The following NLGN4X variants were observed in gnomAD, a reference collection of about 807,000 sequenced individuals.
NLGN4X encodes the protein neuroligin-4, X-linked.
NLGN4X carries 3 observed loss-of-function variants against 40.3 expected under a neutral mutation model. That is an observed-to-expected ratio of 0.07 (90% confidence interval 0.03 to 0.19). The LOEUF is 0.19. Ranked by LOEUF, NLGN4X falls within the 10% of genes least tolerant of loss-of-function variation. The probability of loss-of-function intolerance (pLI) is 1.00; values close to 1 mark genes in which losing one functional copy is unlikely to be tolerated. For synonymous variants in NLGN4X, 270 were observed against 306.8 expected, an observed-to-expected ratio of 0.88 and a Z score of 1.25; for missense variants, 382 against 708.3, an observed-to-expected ratio of 0.54 and a Z score of 5.23.
At chrX:5,906,634 C>T (rs940053208) in intron 4 of NLGN4X, among the ~76,000 whole-genome samples, 3 of 111,343 alleles carry the variant, frequency 2.7e-5, no homozygotes, top group African/African-American at 9.8e-5. Context: ...CCTCAGCCCC[C>T]CAAGTAACTG....
chrX:5,911,069 G>A (rs755548857), intron 3 of NLGN4X, among the ~76,000 whole-genome samples: 2 of 111,587 alleles, frequency 1.8e-5, no homozygotes, highest in African/African-American at 6.5e-5. Flanking sequence ...GCTTTGCTTG[G>A]GAGAAAAGAT....
chrX:6,014,776 T>C (rs1379290781), intron 3 of NLGN4X, among the ~76,000 whole-genome samples: 1 of 111,626 alleles, frequency 9.0e-6, no homozygotes, highest in African/African-American at 3.3e-5. Flanking sequence ...TAGACAGCCA[T>C]TTCCTTTCTC....
At chrX:5,989,671 A>T (rs72627602) in intron 3 of NLGN4X, among the ~76,000 whole-genome samples, 18,737 of 111,054 alleles carry the variant, frequency 0.17, 1,188 homozygotes, top group East Asian at 0.27. Context: ...CACTTTAAAA[A>T]TTTTCCTATT....
intron 2 of NLGN4X, among the ~76,000 whole-genome samples, chrX:6,136,677 G>A (rs749193296): frequency 2.9e-4 from 33 of 112,474 alleles, no homozygotes; most frequent in Non-Finnish European, 6.0e-4. Flanking sequence ...CATAATCATG[G>A]AAGTGGTGTT....
chrX:5,916,850 A>G (rs1345648858), intron 3 of NLGN4X, among the ~76,000 whole-genome samples: 1 of 112,110 alleles, frequency 8.9e-6, no homozygotes, highest in Non-Finnish European at 1.9e-5. Flanking sequence ...TTTATTGCTA[A>G]TATCTGTTTA....
chrX:5,967,829 T>C (rs1314947550), intron 3 of NLGN4X, among the ~76,000 whole-genome samples: 1 of 110,993 alleles, frequency 9.0e-6, no homozygotes, highest in African/African-American at 3.3e-5. Flanking sequence ...GGTCCTGTGA[T>C]ACCAAGCCCC....
chrX:6,146,889 C>G (rs917882748), intron 2 of NLGN4X, among the ~76,000 whole-genome samples: 1 of 110,459 alleles, frequency 9.1e-6, no homozygotes, highest in Non-Finnish European at 1.9e-5. Context: ...CTCTCGAGTT[C>G]AGGTCATTCT....
intron 1 of NLGN4X, among the ~76,000 whole-genome samples, chrX:6,170,921 T>G (rs771549660): frequency 9.0e-6 from 1 of 111,412 alleles, no homozygotes; most frequent in Non-Finnish European, 1.9e-5. Context: ...CCTTCCAGGC[T>G]CCAGCAATCT....
intron 3 of NLGN4X, among the ~76,000 whole-genome samples, chrX:5,948,946 C>T (rs753955290): frequency 4.5e-5 from 5 of 111,595 alleles, no homozygotes; most frequent in East Asian, 2.9e-4. Context: ...GGTTGTCAAC[C>T]GGGAGTGAAG....
intron 2 of NLGN4X, among the ~76,000 whole-genome samples, chrX:6,138,422 GT>G (rs1463379401): frequency 4.5e-5 from 5 of 111,505 alleles, no homozygotes; most frequent in Non-Finnish European, 9.4e-5. Context: ...CTTCATCTCT[GT>G]TTGTAGAGAG....
intron 3 of NLGN4X, among the ~76,000 whole-genome samples, chrX:5,941,180 G>GGTGTGTGTGTGT (rs3220455): frequency 1.0e-4 from 6 of 58,623 alleles, no homozygotes; most frequent in African/African-American, 1.7e-4. Context: ...TATGCTAGGG[G>GGTGTGTGTGTGT]GTGTGTGTGT....
intron 1 of NLGN4X, among the ~76,000 whole-genome samples, chrX:6,153,806 T>G (rs907696545): frequency 4.5e-4 from 51 of 112,146 alleles, no homozygotes; most frequent in African/African-American, 1.7e-3. Context: ...TCCAGCTGTA[T>G]GATCAAAACC....
rs1556015926 is a variant in NLGN4X, at chrX:6,225,891, G to GCCC, written c.-306+2647_-306+2649dup. Among the ~76,000 whole-genome samples the GCCC allele has an allele frequency of 8.9e-4, 53 of 59,876 alleles. 1 individual carries two copies. Among genetic ancestry groups the GCCC allele is most frequent in the East Asian group, 5.4e-3 (14 of 2,572 alleles). 52.0% of individuals were successfully genotyped at this position (59,876 alleles called of 115,157 possible). A position where few individuals can be genotyped will look rare whatever the true frequency, so the allele number is the denominator to read the frequency against. ...GCAACAACAACAACAACAAACCACCGCCCCCCCCAAAAAAAATGACCAAAT... is the reference window on the plus strand; with the variant it reads ...GCAACAACAACAACAACAAACCACCGCCCCCCCCCCCAAAAAAAATGACCAAAT... On this transcript the variant is annotated intron_variant, in intron 1 of 5. Coordinates refer to ENST00000381095, the MANE Select transcript of NLGN4X (RefSeq NM_181332.3).
intron 2 of NLGN4X, among the ~76,000 whole-genome samples, chrX:6,116,186 G>A (rs183313321): frequency 0.031 from 3,099 of 99,490 alleles, 112 homozygotes; most frequent in African/African-American, 0.092. Flanking sequence ...CCAGCTACTC[G>A]GGAGGCTAAG....
At chrX:6,091,739 A>G (rs1385740387) in intron 2 of NLGN4X, among the ~76,000 whole-genome samples, 1 of 112,269 alleles carries the variant, frequency 8.9e-6, no homozygotes, top group Non-Finnish European at 1.9e-5. Context: ...TTTCTCACAG[A>G]TCTGTATTAC....
intron 2 of NLGN4X, among the ~76,000 whole-genome samples, chrX:6,075,458 T>A (rs2038171519): frequency 9.0e-6 from 1 of 111,706 alleles, no homozygotes; most frequent in Non-Finnish European, 1.9e-5. Flanking sequence ...AACTCTAGAT[T>A]AGTCACTGAA....
At chrX:6,149,113 A>G (rs2040112645) in intron 2 of NLGN4X, among the ~76,000 whole-genome samples, 1 of 112,554 alleles carries the variant, frequency 8.9e-6, no homozygotes, top group Non-Finnish European at 1.9e-5. Flanking sequence ...TTCACTGAAT[A>G]GCATTTTTCA....
chrX:6,185,057 A>G (rs1921874902), intron 1 of NLGN4X, among the ~76,000 whole-genome samples: 1 of 112,496 alleles, frequency 8.9e-6, no homozygotes, highest in Non-Finnish European at 1.9e-5. Context: ...AGTTGAGAAC[A>G]CTGGCCTGCA....
intron 2 of NLGN4X, among the ~76,000 whole-genome samples, chrX:6,030,392 A>ATTGTGTGTGTGTGTGTGTGTG (rs56353701): frequency 0.21 from 14,525 of 67,957 alleles, 1,178 homozygotes; most frequent in East Asian, 0.32. Context: ...CTGGATACAG[A>ATTGTGTGTGTGTGTGTGTGTG]TATGTGTGTG....
Sources: allele counts gnomAD v4.1 joint callset (sites outside exome capture counted in the v4.1 genomes callset), GRCh38; gene constraint gnomAD v4.1.1; transcripts MANE v1.5; gene names NCBI Gene and HGNC (gene_info 2026-07-23, HGNC 2026-07-21).